BRWD3: variants seen among roughly 807,000 people sequenced by gnomAD.
BRWD3 encodes the protein bromodomain and WD repeat-containing protein 3.
In BRWD3, 10 loss-of-function variants were observed where a neutral mutation model predicts 149.7. That is an observed-to-expected ratio of 0.07 (90% CI 0.04 to 0.11). BRWD3 has a LOEUF of 0.11. Among genes scored for constraint, BRWD3 ranks in the 10% least tolerant of loss-of-function variants. The probability of loss-of-function intolerance (pLI) is 1.00; values close to 1 mark genes in which losing one functional copy is unlikely to be tolerated. For missense variants in BRWD3, 940 were observed against 1,373.2 expected (o/e 0.68, Z 4.99); for synonymous variants, 504 against 456.7 (o/e 1.10, Z -1.32).
At chrX:80,711,513 A>G (rs1298416577) in intron 20 of BRWD3, among the ~76,000 whole-genome samples, 5 of 112,403 alleles carry the variant, frequency 4.4e-5, no homozygotes, top group Non-Finnish European at 3.8e-5. Flanking sequence ...AACATTCTGT[A>G]GAGAATCCCT....
intron 6 of BRWD3, among the ~76,000 whole-genome samples, chrX:80,761,776 T>C (rs994457795): frequency 8.1e-5 from 9 of 111,757 alleles, no homozygotes; most frequent in African/African-American, 1.9e-4. Flanking sequence ...GGTTCCATAC[T>C]GAGATAAAAT....
chrX:80,742,645 T>C lies in BRWD3; in HGVS notation c.813+1387A>G, dbSNP rs937673432. ...GTAAGTTGGATTCCTAGGTATTTTA[T>C]TCTCTTTGAAGCAATTGTGAATGGG... On this transcript the variant is annotated intron_variant, in intron 8 of 40. Transcript: ENST00000373275. Among the ~76,000 whole-genome samples, 5 of 110,382 alleles carry C rather than the reference T, an allele frequency of 4.5e-5. No individual in the cohort carries two copies. The East Asian group carries it at 8.5e-4, about 19-fold the overall frequency.
chrX:80,718,413 G>T (rs991957896), intron 18 of BRWD3, among the ~76,000 whole-genome samples: 3 of 111,652 alleles, frequency 2.7e-5, no homozygotes, highest in Middle Eastern at 4.2e-3. Flanking sequence ...AGTCAGTGGG[G>T]TCTCTTGACT....
chrX:80,756,832 A>G (rs1306613377), intron 6 of BRWD3, among the ~76,000 whole-genome samples: 1 of 111,856 alleles, frequency 8.9e-6, no homozygotes, highest in Non-Finnish European at 1.9e-5. Context: ...ATGAACACAC[A>G]CATACACACT....
chrX:80,696,425 G>A (rs1266155258), intron 26 of BRWD3, among the ~76,000 whole-genome samples: 1 of 108,920 alleles, frequency 9.2e-6, no homozygotes, highest in Non-Finnish European at 1.9e-5. Flanking sequence ...TTTAGGAAGA[G>A]ATTAGCATTT....
At chrX:80,776,727 A>C (rs2074003540) in intron 6 of BRWD3, among the ~76,000 whole-genome samples, 2 of 111,030 alleles carry the variant, frequency 1.8e-5, no homozygotes. Context: ...CTTACCAACA[A>C]TGTCCCCGGA....
At chrX:80,730,134 T>TA (rs1397665913) in intron 12 of BRWD3, 114 bp from the exon 13 acceptor site, 1 of 514,460 alleles carries the variant, frequency 1.9e-6, no homozygotes, top group Non-Finnish European at 3.4e-6. Flanking sequence ...TGTAAAATGG[T>TA]ACAGTCACTT....
At chrX:80,680,594 G>A (rs1193076498) in intron 40 of BRWD3, among the ~76,000 whole-genome samples, 1 of 111,255 alleles carries the variant, frequency 9.0e-6, no homozygotes, top group African/African-American at 3.3e-5. Flanking sequence ...CTTAAGGAAG[G>A]TGGTAGAAGC....
At chrX:80,684,756 C>T (rs1323712780) in intron 36 of BRWD3, among the ~76,000 whole-genome samples, 4 of 110,937 alleles carry the variant, frequency 3.6e-5, no homozygotes. Context: ...TCATTTTAAC[C>T]TAAATCCAGT....
Position 80,809,594 on chromosome X carries a change from C to A in BRWD3, c.-123G>T, listed in dbSNP as rs1225476856. 3 of 464,777 alleles carry A rather than the reference C, an allele frequency of 6.5e-6. No individual in the cohort carries two copies. Among genetic ancestry groups the A allele is most frequent in the African/African-American group, 5.1e-5 (2 of 39,466 alleles). The allele number at this position is 464,777 out of a possible 1,213,427, so 38.3% of individuals were successfully genotyped here. On this transcript the variant is annotated 5_prime_UTR_variant, in exon 1 of 41. Coordinates refer to ENST00000373275, the MANE Select transcript of BRWD3 (RefSeq NM_153252.5). ...GTCCCGCCGCTTCCGCCGCACTCCTCGTCCTAGTTTCGCTCTCTCTCGAAT... is the reference window on the plus strand; with the variant it reads ...GTCCCGCCGCTTCCGCCGCACTCCTAGTCCTAGTTTCGCTCTCTCTCGAAT...
At chrX:80,756,502 C>CAAAA (rs974549325) in intron 6 of BRWD3, among the ~76,000 whole-genome samples, 5,144 of 40,967 alleles carry the variant, frequency 0.13, 928 homozygotes, top group Non-Finnish European at 0.17. Context: ...AACTCTGTCT[C>CAAAA]AAAAAAAAAA....
At chrX:80,705,801 T>A (rs1199584434) in intron 22 of BRWD3, among the ~76,000 whole-genome samples, 1 of 111,717 alleles carries the variant, frequency 9.0e-6, no homozygotes, top group Non-Finnish European at 1.9e-5. Context: ...CGTAAAAGAT[T>A]TTTAAAAATG....
chrX:80,679,483 TAAAG>T (rs1489513051), intron 40 of BRWD3, among the ~76,000 whole-genome samples: 1 of 112,018 alleles, frequency 8.9e-6, no homozygotes, highest in Admixed American at 9.5e-5. Context: ...TCTAATAGAA[TAAAG>T]AGATATTTAA....
chrX:80,715,971 C>T (rs1194772168), intron 20 of BRWD3, among the ~76,000 whole-genome samples, 186 bp downstream of exon 20: 2 of 111,631 alleles, frequency 1.8e-5, no homozygotes, highest in Non-Finnish European at 3.8e-5. Context: ...GGGGGACACT[C>T]GACTTGTGAC....
chrX:80,729,947 T>C lies in BRWD3; in HGVS notation c.1201A>G (p.Ile401Val). Reference protein sequence around the residue: ...WQYQQQEWKSIVLDMATKMTG... With the variant: ...WQYQQQEWKSVVLDMATKMTG... The stretch of plus-strand genomic sequence containing the variant: ...ATTTTAGTAGCCATGTCTAGCACTA[T>C]ACTCTTCCATTCTTGTTGCTGATAC... Residue 401 changes from isoleucine to valine, a missense_variant, in exon 13 of 41, where the codon ATA becomes GTA. This residue lies in a region of BRWD3 where 209 missense variants were observed against 396.8 expected (regional missense o/e 0.53). Transcript: ENST00000373275. The C allele has an allele frequency of 8.3e-7, 1 of 1,205,193 alleles. No homozygotes were observed. The highest frequency in any genetic ancestry group is 1.1e-6 in the Non-Finnish European group (1 of 889,366).
At chrX:80,799,780 T>A (rs1425922293) in intron 4 of BRWD3, among the ~76,000 whole-genome samples, 1 of 111,108 alleles carries the variant, frequency 9.0e-6, no homozygotes, top group East Asian at 2.8e-4. Flanking sequence ...GCATCCCAGT[T>A]ACTACTTATA....
chrX:80,749,063 C>T (rs994825256), intron 6 of BRWD3, among the ~76,000 whole-genome samples: 1 of 111,909 alleles, frequency 8.9e-6, no homozygotes, highest in Non-Finnish European at 1.9e-5. Flanking sequence ...AGAAAAGATG[C>T]TTAATATTAT....
At chrX:80,798,637 A>G (rs889188448) in intron 4 of BRWD3, among the ~76,000 whole-genome samples, 1 of 108,711 alleles carries the variant, frequency 9.2e-6, no homozygotes, top group African/African-American at 3.3e-5. Context: ...AAAAAAAAAA[A>G]GAGTATAATA....
At chrX:80,708,677 A>G (rs150641668) in intron 21 of BRWD3, among the ~76,000 whole-genome samples, 9,330 of 110,977 alleles carry the variant, frequency 0.084, 377 homozygotes, top group South Asian at 0.19. Context: ...TTAGCCATGC[A>G]TGGTGGCGCA....
Sources: gnomAD v4.1 joint callset for allele counts (sites outside exome capture counted in the v4.1 genomes callset) on GRCh38, gnomAD v4.1.1 for gene constraint, gnomAD v4.1.1 regional missense constraint, MANE v1.5 for transcripts, NCBI Gene and HGNC (gene_info 2026-07-23, HGNC 2026-07-21) for gene names.